ROBO2: variants seen among roughly 807,000 people sequenced by gnomAD.
The protein encoded by ROBO2 is roundabout homolog 2.
Under a neutral mutation model 160.8 loss-of-function variants are expected in ROBO2, and 53 were observed. The ratio of observed to expected loss-of-function variants is 0.33; its 90% CI spans 0.26 to 0.41. ROBO2 has a LOEUF of 0.41. Among genes scored for constraint, ROBO2 ranks in the 10% least tolerant of loss-of-function variants. ROBO2 has a pLI of 1.00. For missense variants in ROBO2, 1,577 were observed against 1,722.4 expected, an observed-to-expected ratio of 0.92 and a Z score of 1.49; for synonymous variants, 664 against 611.7, an observed-to-expected ratio of 1.09 and a Z score of -1.26.
intron 20 of ROBO2, among the ~76,000 whole-genome samples, chr3:77,603,357 A>C (rs923032007): frequency 6.6e-6 from 1 of 152,232 alleles, no homozygotes; most frequent in African/African-American, 2.4e-5. Flanking sequence ...AAGATCATAC[A>C]TGAAAGTCAA....
chr3:77,497,174 G>T (rs566199854), intron 5 of ROBO2, among the ~76,000 whole-genome samples: 1 of 152,168 alleles, frequency 6.6e-6, no homozygotes, highest in Non-Finnish European at 1.5e-5. Flanking sequence ...GACTTCTGAA[G>T]ATATTACCGT....
intron 2 of ROBO2, among the ~76,000 whole-genome samples, chr3:77,240,147 C>A (rs984085558): frequency 6.6e-6 from 1 of 152,114 alleles, no homozygotes; most frequent in African/African-American, 2.4e-5. Context: ...CATGGGGCGG[C>A]GCCCGTCGGG....
intron 2 of ROBO2, among the ~76,000 whole-genome samples, chr3:76,105,873 T>C (rs2069906266): frequency 6.6e-6 from 1 of 152,132 alleles, no homozygotes; most frequent in South Asian, 2.1e-4. Context: ...AGGGAATTCC[T>C]TTGTTCATAA....
At chr3:76,890,221 C>T (rs545726432) in intron 2 of ROBO2, among the ~76,000 whole-genome samples, 4 of 96,282 alleles carry the variant, frequency 4.2e-5, no homozygotes, top group South Asian at 7.2e-4. Context: ...ATTTACATAT[C>T]GTATGCTATT....
chr3:76,904,218 G>A (rs1164235402), intron 2 of ROBO2, among the ~76,000 whole-genome samples: 2 of 152,066 alleles, frequency 1.3e-5, no homozygotes, highest in African/African-American at 2.4e-5. Flanking sequence ...TCTGTTTAGT[G>A]TATCCTTAAT....
intron 2 of ROBO2, among the ~76,000 whole-genome samples, chr3:76,349,970 T>C (rs577258924): frequency 6.6e-6 from 1 of 152,134 alleles, no homozygotes; most frequent in East Asian, 1.9e-4. Context: ...TGCCCTTTGC[T>C]CCAGAGGGAG....
At chr3:76,547,996 A>G (rs1195304252) in intron 2 of ROBO2, among the ~76,000 whole-genome samples, 2 of 152,186 alleles carry the variant, frequency 1.3e-5, no homozygotes, top group African/African-American at 4.8e-5. Flanking sequence ...AACAAGTCAC[A>G]TGATAAAGAT....
chr3:77,586,220 A>C (rs1278746460), intron 16 of ROBO2, among the ~76,000 whole-genome samples: 1 of 152,170 alleles, frequency 6.6e-6, no homozygotes, highest in Non-Finnish European at 1.5e-5. Context: ...GCAATCAAAT[A>C]CATTCAGATA....
chr3:77,304,277 G>C (rs2062904181), intron 2 of ROBO2, among the ~76,000 whole-genome samples: 1 of 152,144 alleles, frequency 6.6e-6, no homozygotes, highest in Non-Finnish European at 1.5e-5. Flanking sequence ...ATATTTAATA[G>C]TTTAAAACAA....
At position 77,538,170 on chromosome 3, in the gene ROBO2, CTTTTTTTTTTTTTT is replaced by C. The variant is rs59409802; in HGVS notation, c.935-8155_935-8142del. ...GGTAATTTAGCAATTTGATCATTTA[CTTTTTTTTTTTTTT>C]TTTTTTTTTTTTGAGACGGAGTCTC... On this transcript the variant is annotated intron_variant, in intron 6 of 25. Transcript: ENST00000461745. 1.4e-3 allele frequency among the ~76,000 whole-genome samples: 143 copies of C among 102,496 alleles called. 2 individuals are homozygous for C. Among genetic ancestry groups the C allele is most frequent in the Non-Finnish European group, 1.4e-3 (76 of 52,496 alleles). 67.2% of individuals were successfully genotyped at this position (102,496 alleles called of 152,430 possible).
chr3:77,569,459 T>A (rs1354654816), intron 13 of ROBO2, among the ~76,000 whole-genome samples: 1 of 151,580 alleles, frequency 6.6e-6, no homozygotes, highest in Non-Finnish European at 1.5e-5. Context: ...TAATTGAACT[T>A]TTTTTTTAGA....
intron 2 of ROBO2, among the ~76,000 whole-genome samples, chr3:76,194,696 T>G (rs1702178255): frequency 6.6e-6 from 1 of 151,916 alleles, no homozygotes. Context: ...CTCGACTCAC[T>G]GCAACCTCCG....
intron 2 of ROBO2, among the ~76,000 whole-genome samples, chr3:76,903,603 T>G (rs1379481588): frequency 6.6e-6 from 1 of 152,134 alleles, no homozygotes; most frequent in South Asian, 2.1e-4. Flanking sequence ...TTTTCTCTCC[T>G]TCCTCTCACA....
intron 2 of ROBO2, among the ~76,000 whole-genome samples, chr3:76,619,445 A>T (rs1387141182): frequency 6.6e-6 from 1 of 152,214 alleles, no homozygotes; most frequent in Non-Finnish European, 1.5e-5. Flanking sequence ...ACTTTTAAAA[A>T]GATATCGAGT....
intron 2 of ROBO2, among the ~76,000 whole-genome samples, chr3:77,405,522 A>T (rs1407493150): frequency 6.6e-6 from 1 of 152,084 alleles, no homozygotes; most frequent in Non-Finnish European, 1.5e-5. Flanking sequence ...CCTAAATATA[A>T]CTTAACATTG....
intron 2 of ROBO2, among the ~76,000 whole-genome samples, chr3:75,988,877 A>G (rs2065488306): frequency 6.6e-6 from 1 of 151,948 alleles, no homozygotes; most frequent in Non-Finnish European, 1.5e-5. Flanking sequence ...ATCTGATGAT[A>G]TATAATTTGT....
chr3:77,245,832 G>A (rs1293493300), intron 2 of ROBO2, among the ~76,000 whole-genome samples: 1 of 152,204 alleles, frequency 6.6e-6, no homozygotes, highest in African/African-American at 2.4e-5. Flanking sequence ...TGGGATAGAT[G>A]TCACAGAATG....
chr3:76,487,780 C>T (rs1347157912), intron 2 of ROBO2, among the ~76,000 whole-genome samples: 2 of 152,218 alleles, frequency 1.3e-5, no homozygotes, highest in East Asian at 3.9e-4. Context: ...AATCTCTTTG[C>T]AGTTGTAGGA....
chr3:77,246,317 G>GTCTA (rs1204719033), intron 2 of ROBO2, among the ~76,000 whole-genome samples: 7 of 46,536 alleles, frequency 1.5e-4, no homozygotes, highest in Non-Finnish European at 3.5e-4. Flanking sequence ...ACTACTGAGA[G>GTCTA]TGTATGTGTA....
Sources: gnomAD v4.1 joint callset for allele counts (sites outside exome capture counted in the v4.1 genomes callset) on GRCh38, gnomAD v4.1.1 for gene constraint, MANE v1.5 for transcripts, NCBI Gene and HGNC (gene_info 2026-07-23, HGNC 2026-07-21) for gene names.